Variants in LIPC observed in about 807,000 individuals in gnomAD.
LIPC encodes lipase C, hepatic type, also known as hepatic triacylglycerol lipase.
Under a neutral mutation model 50.7 loss-of-function variants are expected in LIPC, and 44 were observed. The observed-to-expected ratio is 0.87, with a 90% confidence interval of 0.68 to 1.11. The LOEUF is 1.11. Among genes scored for constraint, LIPC ranks in the 50% most tolerant of loss-of-function variants. The probability of loss-of-function intolerance (pLI) is 0.00; values close to 1 mark genes in which losing one functional copy is unlikely to be tolerated. For synonymous variants in LIPC, 271 were observed against 256.4 expected, an observed-to-expected ratio of 1.06 and a Z score of -0.54; for missense variants, 697 against 648.2, an observed-to-expected ratio of 1.08 and a Z score of -0.82.
At chr15:58,548,621 G>A (rs1450230841) in intron 6 of LIPC, 49 bp downstream of exon 6, 4 of 1,563,060 alleles carry the variant, frequency 2.6e-6, no homozygotes, top group Non-Finnish European at 3.5e-6. Flanking sequence ...GCAGTCCCCT[G>A]TCCAAAGGGC....
chr15:58,551,617 G>A (rs1052025356), intron 6 of LIPC, among the ~76,000 whole-genome samples: 1 of 152,062 alleles, frequency 6.6e-6, no homozygotes, highest in Non-Finnish European at 1.5e-5. Flanking sequence ...CATCACAACC[G>A]TGATCATAAC....
intron 1 of LIPC, among the ~76,000 whole-genome samples, chr15:58,442,068 G>A (rs1893526037): frequency 6.6e-6 from 1 of 152,162 alleles, no homozygotes; most frequent in Non-Finnish European, 1.5e-5. Context: ...TGCGTTTGAG[G>A]TCTCTTAATA....
intron 1 of LIPC, among the ~76,000 whole-genome samples, chr15:58,471,334 G>GGGT (rs569416304): frequency 5.8e-5 from 8 of 138,502 alleles, no homozygotes; most frequent in East Asian, 2.1e-4. Flanking sequence ...GAGATGGGGG[G>GGGT]GGGTGGTCTC....
At chr15:58,462,756 G>C (rs1317703506) in intron 1 of LIPC, among the ~76,000 whole-genome samples, 1 of 152,102 alleles carries the variant, frequency 6.6e-6, no homozygotes, top group East Asian at 1.9e-4. Flanking sequence ...GGCCACTCCA[G>C]GCAATCCTCT....
At chr15:58,493,751 T>G (rs951041937) in intron 1 of LIPC, among the ~76,000 whole-genome samples, 3 of 148,592 alleles carry the variant, frequency 2.0e-5, no homozygotes, top group African/African-American at 7.3e-5. Context: ...TGTTAATATA[T>G]CTATAATATT....
intron 5 of LIPC, among the ~76,000 whole-genome samples, chr15:58,547,398 C>T (rs138748678): frequency 3.3e-5 from 5 of 152,258 alleles, no homozygotes; most frequent in Non-Finnish European, 5.9e-5. Context: ...AGTGGAGGAG[C>T]GGAGGGCACG....
At chr15:58,501,303 C>A (rs1369982428) in intron 1 of LIPC, among the ~76,000 whole-genome samples, 1 of 150,774 alleles carries the variant, frequency 6.6e-6, no homozygotes, top group African/African-American at 2.4e-5. Context: ...ATTCACATGT[C>A]TCCACCTACT....
rs1190881217 is a variant in LIPC, at chr15:58,432,016, C to G, written c.-17C>G. On this transcript the variant is annotated 5_prime_UTR_variant, in exon 1 of 9. Coordinates refer to ENST00000299022, the MANE Select transcript of LIPC (RefSeq NM_000236.3). Reference sequence around the variant, plus strand: ...AGAAATTACCAAGAAAGCCTGGACCCCGGGTGAAACGGAGAAATGGACACA... The same window carrying G: ...AGAAATTACCAAGAAAGCCTGGACCGCGGGTGAAACGGAGAAATGGACACA... 1.9e-6 allele frequency: 3 copies of G among 1,597,088 alleles called. No individual in the cohort carries two copies. The highest frequency in any genetic ancestry group is 2.6e-6 in the Non-Finnish European group (3 of 1,164,640).
chr15:58,511,756 C>T (rs1459658667), intron 1 of LIPC, among the ~76,000 whole-genome samples: 3 of 152,172 alleles, frequency 2.0e-5, no homozygotes, highest in African/African-American at 7.2e-5. Context: ...GATTGCATCA[C>T]AGTGTGGTTT....
chr15:58,496,406 T>C (rs1420744893), intron 1 of LIPC, among the ~76,000 whole-genome samples: 2 of 152,136 alleles, frequency 1.3e-5, no homozygotes, highest in African/African-American at 4.8e-5. Context: ...GTTGGACACC[T>C]TGTCTTATTC....
intron 1 of LIPC, chr15:58,436,340 CT>C (rs1195417695): frequency 1.1e-5 from 2 of 178,124 alleles, no homozygotes; most frequent in African/African-American, 4.8e-5. Context: ...TAGGTGACCC[CT>C]GTAAGCTTCT....
intron 1 of LIPC, chr15:58,437,058 G>A (rs570027529): frequency 9.3e-4 from 334 of 357,968 alleles, no homozygotes; most frequent in Non-Finnish European, 1.5e-3. Context: ...ACTTCGAACA[G>A]GCATGGTTTT....
Position 58,519,360 on chromosome 15 carries a change from G to A in LIPC, c.89-18973G>A, listed in dbSNP as rs564120490. On this transcript the variant is annotated intron_variant, in intron 1 of 8. Transcript: ENST00000299022. ...CGGGAGGCGGAGCTTGCAGTGAGCC[G>A]AGATTGTGCCACTGCACTCCAGCCT... Among the ~76,000 whole-genome samples, 264 of 148,974 alleles carry A rather than the reference G, an allele frequency of 1.8e-3. 1 individual carries two copies. Among genetic ancestry groups the A allele is most frequent in the African/African-American group, 6.2e-3 (252 of 40,574 alleles).
chr15:58,566,502 C>T, intron 8 of LIPC: 1 of 967,860 alleles, frequency 1.0e-6, no homozygotes. Flanking sequence ...GTGCCTTTTG[C>T]AGACCAAAAT....
chr15:58,494,439 T>C (rs1028971224), intron 1 of LIPC, among the ~76,000 whole-genome samples: 2 of 152,184 alleles, frequency 1.3e-5, no homozygotes, highest in African/African-American at 4.8e-5. Flanking sequence ...GGGCAGGTCA[T>C]CCAACCTCAT....
chr15:58,504,032 C>G (rs1432708931), intron 1 of LIPC, among the ~76,000 whole-genome samples: 2 of 152,172 alleles, frequency 1.3e-5, no homozygotes, highest in Admixed American at 1.3e-4. Flanking sequence ...ACATCATTTT[C>G]CAAGTGGAGA....
chr15:58,539,449 G>A (rs1237388723), intron 2 of LIPC, among the ~76,000 whole-genome samples: 2 of 152,120 alleles, frequency 1.3e-5, no homozygotes, highest in Admixed American at 1.3e-4. Flanking sequence ...GGAGAGAAAG[G>A]ATATTATTGG....
At chr15:58,532,975 C>T (rs1893002567) in intron 1 of LIPC, among the ~76,000 whole-genome samples, 1 of 152,182 alleles carries the variant, frequency 6.6e-6, no homozygotes, top group African/African-American at 2.4e-5. Context: ...TGTTTTGCTG[C>T]TCTAGGAACT....
At chr15:58,472,247 G>T (rs1166327856) in intron 1 of LIPC, among the ~76,000 whole-genome samples, 1 of 141,750 alleles carries the variant, frequency 7.1e-6, no homozygotes, top group African/African-American at 2.6e-5. Flanking sequence ...CTCCACCCTG[G>T]GCAACAGAGT....
Sources: allele counts gnomAD v4.1 joint callset (sites outside exome capture counted in the v4.1 genomes callset), GRCh38; gene constraint gnomAD v4.1.1; transcripts MANE v1.5; gene names NCBI Gene and HGNC (gene_info 2026-07-23, HGNC 2026-07-21).